CEACAM5: variants seen among roughly 807,000 people sequenced by gnomAD.
CEACAM5 encodes cell adhesion molecule CEACAM5.
Under a neutral mutation model 63.0 loss-of-function variants are expected in CEACAM5, and 52 were observed. That is an observed-to-expected ratio of 0.83 (90% confidence interval 0.66 to 1.04). The LOEUF is 1.04. Among genes scored for constraint, CEACAM5 ranks in the 50% least tolerant of loss-of-function variants. The pLI is 0.00. For missense variants in CEACAM5, 790 were observed against 864.8 expected, an observed-to-expected ratio of 0.91 and a Z score of 1.08; for synonymous variants, 357 against 351.3, an observed-to-expected ratio of 1.02 and a Z score of -0.18.
At chr19:41,721,662 C>T (rs569336195) in intron 8 of CEACAM5, among the ~76,000 whole-genome samples, 2 of 152,376 alleles carry the variant, frequency 1.3e-5, no homozygotes, top group South Asian at 2.1e-4. Context: ...GCTCTGCGCC[C>T]GGCTCACCCG....
rs1555815284 is a variant in CEACAM5, at chr19:41,717,627, C to G, written c.1131C>G (p.Thr377=). ...PRLQLSNDNR[T]LTLLSVTRND... Reference sequence around the variant, plus strand: ...TGCAGCTGTCCAATGACAACAGGACCCTCACTCTACTCAGTGTCACAAGGA... The same window carrying G: ...TGCAGCTGTCCAATGACAACAGGACGCTCACTCTACTCAGTGTCACAAGGA... Residue 377 remains threonine, a synonymous_variant, in exon 5 of 10, where the codon ACC becomes ACG. Transcript: ENST00000221992. The G allele has an allele frequency of 6.2e-7, 1 of 1,614,072 alleles. No homozygotes were observed. The highest frequency in any genetic ancestry group is 1.3e-5 in the African/African-American group (1 of 74,916).
chr19:41,720,747 G>T (rs953796475), intron 7 of CEACAM5, among the ~76,000 whole-genome samples, 175 bp from the exon 8 acceptor site: 3 of 151,976 alleles, frequency 2.0e-5, no homozygotes, highest in South Asian at 4.1e-4. Flanking sequence ...TGATCTGCCC[G>T]CCTCGGCCTC....
In CEACAM5 at chr19:41,729,811, C is replaced by T. The variant is rs1292171292; in HGVS notation, c.*664C>T. 1 of 152,162 alleles carries T rather than the reference C, an allele frequency of 6.6e-6. No homozygotes were observed. Among genetic ancestry groups the T allele is most frequent in the Non-Finnish European group, 1.5e-5 (1 of 68,032 alleles). The allele number at this position is 152,162 out of a possible 1,614,324, so 9.4% of individuals were successfully genotyped here. A position where few individuals can be genotyped will look rare whatever the true frequency, so the allele number is the denominator to read the frequency against. ...TTGTGAACAAAAATTGAGACATTTACATTTTCTCCCTATGTGGTCGCTCCA... is the reference window on the plus strand; with the variant it reads ...TTGTGAACAAAAATTGAGACATTTATATTTTCTCCCTATGTGGTCGCTCCA... On this transcript the variant is annotated 3_prime_UTR_variant, in exon 10 of 10. Coordinates refer to ENST00000221992, the MANE Select transcript of CEACAM5 (RefSeq NM_004363.6).
At chr19:41,714,401 C>A (rs782130481) in intron 2 of CEACAM5, among the ~76,000 whole-genome samples, 9 of 152,214 alleles carry the variant, frequency 5.9e-5, no homozygotes, top group African/African-American at 2.2e-4. Flanking sequence ...CACTGCCTAA[C>A]GACTGAGCTG....
chr19:41,728,826 C>T (rs1555817534), intron 9 of CEACAM5, among the ~76,000 whole-genome samples: 1 of 141,264 alleles, frequency 7.1e-6, no homozygotes, highest in Admixed American at 7.1e-5. Context: ...TGGAGTTTTT[C>T]AACATACGTA....
At chr19:41,712,213 T>C (rs181309234) in intron 2 of CEACAM5, among the ~76,000 whole-genome samples, 209 of 152,328 alleles carry the variant, frequency 1.4e-3, no homozygotes, top group African/African-American at 4.9e-3. Context: ...CATCCTCCAG[T>C]GGATCCTGGG....
chr19:41,729,054 CTAAT>C (rs1252719210), intron 9 of CEACAM5, 126 bp from the exon 10 acceptor site: 9 of 152,130 alleles, frequency 5.9e-5, no homozygotes, highest in Admixed American at 5.2e-4. Flanking sequence ...TTCTAGAAAT[CTAAT>C]TGGTTATCAG....
intron 8 of CEACAM5, among the ~76,000 whole-genome samples, chr19:41,722,161 G>A (rs1555816339): frequency 6.6e-6 from 1 of 151,950 alleles, no homozygotes; most frequent in Non-Finnish European, 1.5e-5. Flanking sequence ...ACTTTGGGAG[G>A]CCAAGGCGAG....
Position 41,729,347 on chromosome 19 carries a change from T to A in CEACAM5, c.*200T>A, listed in dbSNP as rs2072742334. 1 of 152,094 alleles carries A rather than the reference T, an allele frequency of 6.6e-6. No homozygotes were observed. The highest frequency in any genetic ancestry group is 2.4e-5 in the African/African-American group (1 of 41,388). The allele number at this position is 152,094 out of a possible 1,614,324, so 9.4% of individuals were successfully genotyped here. A position where few individuals can be genotyped will look rare whatever the true frequency, so the allele number is the denominator to read the frequency against. ...TAAAAATACAAAAATGAGCTGGGCT[T>A]GGTGGCGCACACCTGTAGTCCCAGT... On this transcript the variant is annotated 3_prime_UTR_variant, in exon 10 of 10. Coordinates refer to ENST00000221992, the MANE Select transcript of CEACAM5 (RefSeq NM_004363.6).
chr19:41,727,812 T>C (rs781951053), intron 9 of CEACAM5, among the ~76,000 whole-genome samples: 15 of 152,272 alleles, frequency 9.9e-5, no homozygotes, highest in Non-Finnish European at 1.5e-4. Context: ...TTAGATAAGT[T>C]CACATTTCTT....
intron 4 of CEACAM5, among the ~76,000 whole-genome samples, chr19:41,716,961 A>G (rs2072536541): frequency 6.6e-6 from 1 of 152,164 alleles, no homozygotes; most frequent in Admixed American, 6.5e-5. Flanking sequence ...ACCTCTAGAC[A>G]TGCTCCTAGT....
chr19:41,721,023 T>C lies in CEACAM5; in HGVS notation c.1873T>C (p.Tyr625His), dbSNP rs781890364. Reference protein sequence around the residue: ...CHSASNPSPQYSWRINGIPQQ... With the variant: ...CHSASNPSPQHSWRINGIPQQ... ...CTCGGCCTCTAACCCATCCCCGCAG[T>C]ATTCTTGGCGTATCAATGGGATACC... Residue 625 changes from tyrosine to histidine, a missense_variant, in exon 8 of 10, where the codon TAT (tyrosine) becomes CAT (histidine). By Grantham distance (83) the Tyr-to-His change is moderately conservative. Transcript: ENST00000221992. 1 of 1,614,210 alleles carries C rather than the reference T, an allele frequency of 6.2e-7. No homozygotes were observed. The highest frequency in any genetic ancestry group is 2.2e-5 in the East Asian group (1 of 44,884).
rs2072591548 is a variant in CEACAM5, at chr19:41,719,961, C to T, written c.1524C>T (p.Asn508=). The T allele has an allele frequency of 6.2e-7, 1 of 1,614,224 alleles. No individual in the cohort carries two copies. ...AELPKPSISS[N]NSKPVEDKDA... is the part of the protein sequence containing the mutation. The stretch of plus-strand genomic sequence containing the variant: ...TGCCCAAGCCCTCCATCTCCAGCAA[C>T]AACTCCAAACCCGTGGAGGACAAGG... The change falls in exon 7 of 10, where the codon AAC becomes AAT. Residue 508 remains asparagine, a synonymous_variant. Coordinates refer to ENST00000221992, the MANE Select transcript of CEACAM5 (RefSeq NM_004363.6).
At chr19:41,712,377 T>C (rs1174862803) in intron 2 of CEACAM5, among the ~76,000 whole-genome samples, 1 of 152,238 alleles carries the variant, frequency 6.6e-6, no homozygotes, top group African/African-American at 2.4e-5. Context: ...ACTTAGACTC[T>C]ACCCAGTTAC....
chr19:41,721,210 C>G, intron 8 of CEACAM5, 34 bp downstream of exon 8: 1 of 1,610,664 alleles, frequency 6.2e-7, no homozygotes, highest in South Asian at 1.1e-5. Context: ...GCATCATATT[C>G]TGGGGTGGAG....
chr19:41,710,177 A>T, intron 2 of CEACAM5, 138 bp downstream of exon 2: 1 of 1,292,138 alleles, frequency 7.7e-7, no homozygotes, highest in South Asian at 1.4e-5. Flanking sequence ...AGTGCAGGAT[A>T]CACACAGAAG....
intron 6 of CEACAM5, among the ~76,000 whole-genome samples, chr19:41,719,225 A>C (rs2122809948): frequency 6.6e-6 from 1 of 152,360 alleles, no homozygotes; most frequent in Admixed American, 6.5e-5. Context: ...AGACAGGGTA[A>C]GAATACCAGC....
At chr19:41,723,148 G>A (rs187155194) in intron 8 of CEACAM5, among the ~76,000 whole-genome samples, 6 of 151,992 alleles carry the variant, frequency 3.9e-5, no homozygotes, top group Admixed American at 6.6e-5. Flanking sequence ...TCCTGACCTC[G>A]TGATCCGCCT....
In CEACAM5 at chr19:41,717,725, A is replaced by G. The variant is rs973143222; in HGVS notation, c.1229A>G (p.Asn410Ser). Reference protein sequence around the residue: ...SVDHSDPVILNVLYGPDDPTI... With the variant: ...SVDHSDPVILSVLYGPDDPTI... Reference sequence around the variant, plus strand: ...GACCACAGCGACCCAGTCATCCTGAATGTCCTCTGTGAGTATCTTCTGTTC... The same window carrying G: ...GACCACAGCGACCCAGTCATCCTGAGTGTCCTCTGTGAGTATCTTCTGTTC... The change falls in exon 5 of 10, where the codon AAT (asparagine) becomes AGT (serine). Residue 410 changes from asparagine (N) to serine (S), a missense_variant. Physicochemically the swap from Asn to Ser is conservative, Grantham distance 46. Coordinates refer to ENST00000221992, the MANE Select transcript of CEACAM5 (RefSeq NM_004363.6). The G allele has an allele frequency of 6.2e-7, 1 of 1,613,866 alleles. No individual in the cohort carries two copies. The highest frequency in any genetic ancestry group is 8.5e-7 in the Non-Finnish European group (1 of 1,179,792).
Sources: allele counts gnomAD v4.1 joint callset (sites outside exome capture counted in the v4.1 genomes callset), GRCh38; gene constraint gnomAD v4.1.1; transcripts MANE v1.5; gene names NCBI Gene and HGNC (gene_info 2026-07-23, HGNC 2026-07-21).